The following PCDHGA7 variants were observed in gnomAD, a reference collection of about 807,000 sequenced individuals.
PCDHGA7 encodes the protein protocadherin gamma subfamily A, 7.
Under a neutral mutation model 58.3 loss-of-function variants are expected in PCDHGA7, and 44 were observed. The ratio of observed to expected loss-of-function variants is 0.75; its 90% confidence interval spans 0.59 to 0.97. The LOEUF (loss-of-function observed/expected upper bound fraction) is 0.97. Among genes scored for constraint, PCDHGA7 ranks in the 50% least tolerant of loss-of-function variants. The pLI is 0.00. For missense variants in PCDHGA7, 1,266 were observed against 1,188.7 expected (o/e 1.06, Z -0.96); for synonymous variants, 516 against 504.2 (o/e 1.02, Z -0.31).
At chr5:141,496,172 T>C (rs942740022) in intron 2 of PCDHGA7, among the ~76,000 whole-genome samples, 1 of 151,672 alleles carries the variant, frequency 6.6e-6, no homozygotes, top group Non-Finnish European at 1.5e-5. Context: ...CACCCTCCCA[T>C]CCAAGCAGCC....
At chr5:141,438,997 C>T (rs2098080665) in intron 1 of PCDHGA7, among the ~76,000 whole-genome samples, 1 of 151,716 alleles carries the variant, frequency 6.6e-6, no homozygotes, top group Admixed American at 6.6e-5. Flanking sequence ...AGGCTAAGGA[C>T]CTGGTTTGTT....
In PCDHGA7 at chr5:141,490,072, G is replaced by A; in HGVS notation, c.2425-4735G>A. On this transcript the variant is annotated intron_variant, in intron 1 of 3. Transcript: ENST00000518325. This position sits in a 1 kb window ranked among gnomAD's most constrained non-coding sequence, Gnocchi z 5.4. ...AGACGAGGGCACCAACGGCCAACTA[G>A]ACTATTCTTTTGGAGACCACACATC... is the stretch of plus-strand genomic sequence containing the variant. The A allele has an allele frequency of 6.2e-7, 1 of 1,614,254 alleles. No homozygotes were observed. The highest frequency in any genetic ancestry group is 8.5e-7 in the Non-Finnish European group (1 of 1,180,042).
chr5:141,419,012 A>C (rs1422133011), intron 1 of PCDHGA7: 1 of 1,613,986 alleles, frequency 6.2e-7, no homozygotes. Context: ...AGTCAGGTGT[A>C]GCTTAAGTAG....
chr5:141,384,235 A>C lies in PCDHGA7; in HGVS notation c.1336A>C (p.Asn446His), dbSNP rs1779874846. The change falls in exon 1 of 4, where the codon AAC (asparagine) becomes CAC (histidine). Residue 446 changes from asparagine (N) to histidine (H), a missense_variant. Transcript: ENST00000518325. ...CATATTCATGCAGGTGGCAGACACC[A>C]ACGATAACCCACCCACCTTCCCCCA... Reference protein sequence around the residue: ...THIFMQVADTNDNPPTFPHSS... With the variant: ...THIFMQVADTHDNPPTFPHSS... 2 of 1,613,774 alleles carry C rather than the reference A, an allele frequency of 1.2e-6. No homozygotes were observed. The highest frequency in any genetic ancestry group is 1.7e-5 in the Admixed American group (1 of 59,998).
intron 1 of PCDHGA7, chr5:141,478,670 C>G: frequency 6.4e-7 from 1 of 1,551,664 alleles, no homozygotes; most frequent in East Asian, 2.4e-5. Flanking sequence ...TTCACACTTT[C>G]AACTGGCCCT....
In PCDHGA7 at chr5:141,413,117, C is replaced by G. The variant is rs902301902; in HGVS notation, c.2424+27794C>G. 1.9e-5 allele frequency: 29 copies of G among 1,509,004 alleles called. No homozygotes were observed. In the African/African-American group the frequency reaches 4.1e-4, roughly 21 times the overall value. The allele number at this position is 1,509,004 out of a possible 1,614,324, so 93.5% of individuals were successfully genotyped here. ...TGAAGCCACAGAAAGACAAAGGAAC[C>G]GGTTGAAACACACAACGTGTCCAGT... On this transcript the variant is annotated intron_variant, in intron 1 of 3. Transcript: ENST00000518325.
chr5:141,454,932 C>G (rs945154196), intron 1 of PCDHGA7, among the ~76,000 whole-genome samples: 7 of 150,770 alleles, frequency 4.6e-5, no homozygotes, highest in Non-Finnish European at 1.0e-4. Context: ...CTCAGCCTCC[C>G]GAGTAGCTGG....
chr5:141,425,695 T>C (rs1329762653), intron 1 of PCDHGA7, among the ~76,000 whole-genome samples: 1 of 152,232 alleles, frequency 6.6e-6, no homozygotes, highest in Non-Finnish European at 1.5e-5. Context: ...TATCATTTCA[T>C]AGTGGTCAAA....
intron 1 of PCDHGA7, among the ~76,000 whole-genome samples, chr5:141,438,641 C>T (rs1285585706): frequency 0.044 from 3,509 of 79,018 alleles, 123 homozygotes; most frequent in Non-Finnish European, 0.061. Flanking sequence ...TATATACACA[C>T]ACACACACAC....
In PCDHGA7 at chr5:141,393,997, A is replaced by G. The variant is rs375314377; in HGVS notation, c.2424+8674A>G. ...CGTGATAATTTACCTTTTAAATTAG[A>G]AAAGTCAATAGGTAATTATTATAGA... On this transcript the variant is annotated intron_variant, in intron 1 of 3. Coordinates refer to ENST00000518325, the MANE Select transcript of PCDHGA7 (RefSeq NM_018920.4). 7.4e-6 allele frequency: 12 copies of G among 1,613,330 alleles called. 1 individual carries two copies. The African/African-American group carries it at 8.0e-5, about 11-fold the overall frequency.
intron 1 of PCDHGA7, among the ~76,000 whole-genome samples, chr5:141,448,083 T>C (rs1020024755): frequency 2.6e-5 from 4 of 151,368 alleles, no homozygotes; most frequent in African/African-American, 9.7e-5. Context: ...CGAAATGCCA[T>C]CTTAAAAAAA....
chr5:141,502,491 T>G lies in PCDHGA7; in HGVS notation c.2484-2902T>G, dbSNP rs557202239. Among the ~76,000 whole-genome samples, 1,415 of 152,344 alleles carry G rather than the reference T, an allele frequency of 9.3e-3. 29 individuals carry two copies. The highest frequency in any genetic ancestry group is 0.033 in the African/African-American group (1,352 of 41,578). ...TCCCGCAGCATCACACTGGGACTCA[T>G]CTAACGTCGGCCTGTCCCACTATCA... is the stretch of plus-strand genomic sequence containing the variant. On this transcript the variant is annotated intron_variant, in intron 2 of 3. Transcript: ENST00000518325.
At chr5:141,500,340 C>A (rs188966393) in intron 2 of PCDHGA7, among the ~76,000 whole-genome samples, 92 of 152,066 alleles carry the variant, frequency 6.0e-4, no homozygotes, top group African/African-American at 2.1e-3. Flanking sequence ...TCCAGAATAG[C>A]TGGGACTACA....
rs1001412632 is a variant in PCDHGA7, at chr5:141,493,097, A to G, written c.2425-1710A>G. On this transcript the variant is annotated intron_variant, in intron 1 of 3. Transcript: ENST00000518325. The surrounding 1 kb of genome is among the most constrained non-coding windows in gnomAD (Gnocchi z 4.3). ...AACTCCAGGAGCTTTTATTCAAAAT[A>G]TATCAATGCCTAACTCTGCTCCTAG... Among the ~76,000 whole-genome samples, 1 of 152,224 alleles carries G rather than the reference A, an allele frequency of 6.6e-6. No homozygotes were observed. The highest frequency in any genetic ancestry group is 2.4e-5 in the African/African-American group (1 of 41,456).
At chr5:141,474,062 C>A (rs745636246) in intron 1 of PCDHGA7, among the ~76,000 whole-genome samples, 2 of 152,104 alleles carry the variant, frequency 1.3e-5, no homozygotes, top group Non-Finnish European at 2.9e-5. Context: ...AGAGCGAGAT[C>A]CTGCCTCAGA....
Position 141,491,913 on chromosome 5 carries a change from T to C in PCDHGA7, c.2425-2894T>C, listed in dbSNP as rs2099735120. 2.1e-6 allele frequency: 3 copies of C among 1,398,206 alleles called. No homozygotes were observed. Among genetic ancestry groups the C allele is most frequent in the Non-Finnish European group, 2.9e-6 (3 of 1,051,918 alleles). The allele number at this position is 1,398,206 out of a possible 1,614,324, so 86.6% of individuals were successfully genotyped here. On this transcript the variant is annotated intron_variant, in intron 1 of 3. Coordinates refer to ENST00000518325, the MANE Select transcript of PCDHGA7 (RefSeq NM_018920.4). The surrounding 1 kb of genome is among the most constrained non-coding windows in gnomAD (Gnocchi z 6.9). ...TCCGAGCACCGGGGGTGGTGGCGAC[T>C]GTGGGCGAGGGGAGGTGGGACCGAC... is the stretch of plus-strand genomic sequence containing the variant.
intron 1 of PCDHGA7, among the ~76,000 whole-genome samples, chr5:141,425,325 A>G (rs1371591408): frequency 6.6e-6 from 1 of 152,240 alleles, no homozygotes. Context: ...ATCGTGGAGA[A>G]CAAAAAGGAA....
At chr5:141,506,563 C>T (rs925780739) in intron 3 of PCDHGA7, among the ~76,000 whole-genome samples, 2 of 152,062 alleles carry the variant, frequency 1.3e-5, no homozygotes, top group Non-Finnish European at 2.9e-5. Context: ...TAAACCCCCT[C>T]GGTTTCACTT....
At chr5:141,461,951 G>C (rs1419637040) in intron 1 of PCDHGA7, among the ~76,000 whole-genome samples, 1 of 152,186 alleles carries the variant, frequency 6.6e-6, no homozygotes, top group African/African-American at 2.4e-5. Context: ...AACCTCCTGA[G>C]TAGCTGGGAT....
Sources: gnomAD v4.1 joint callset for allele counts (sites outside exome capture counted in the v4.1 genomes callset) on GRCh38, gnomAD v4.1.1 for gene constraint, Gnocchi (gnomAD v3.1) non-coding constraint, MANE v1.5 for transcripts, NCBI Gene and HGNC (gene_info 2026-07-23, HGNC 2026-07-21) for gene names.